The following ASAP1 variants were observed in gnomAD, a reference collection of about 807,000 sequenced individuals.
The protein encoded by ASAP1 is ArfGAP with SH3 domain, ankyrin repeat and PH domain 1, also known as arf-GAP with SH3 domain, ANK repeat and PH domain-containing protein 1.
A neutral mutation model predicts 145.2 loss-of-function variants in ASAP1; 43 were observed. The observed-to-expected ratio is 0.30, with a 90% CI of 0.23 to 0.38. ASAP1 has a LOEUF of 0.38. Among genes scored for constraint, ASAP1 ranks in the 10% least tolerant of loss-of-function variants. The pLI, the probability that ASAP1 is intolerant of heterozygous loss-of-function variation, is 1.00. For synonymous variants in ASAP1, 546 were observed against 515.5 expected, an observed-to-expected ratio of 1.06 and a Z score of -0.80; for missense variants, 1,018 against 1,355.3, an observed-to-expected ratio of 0.75 and a Z score of 3.91.
At chr8:130,251,005 C>A (rs1304838047) in intron 3 of ASAP1, among the ~76,000 whole-genome samples, 2 of 152,146 alleles carry the variant, frequency 1.3e-5, no homozygotes, top group African/African-American at 4.8e-5. Context: ...TCCAACAATT[C>A]CCAACAAAGA....
At position 130,219,127 on chromosome 8, in the gene ASAP1, C is replaced by A. The variant is rs530234833; in HGVS notation, c.260-4426G>T. ...GTCAGCTACTGTTACCGCTATATAT[C>A]CATGACTACTTACAATACAGAGCGA... On this transcript the variant is annotated intron_variant, in intron 4 of 29. Coordinates refer to ENST00000518721, the MANE Select transcript of ASAP1 (RefSeq NM_018482.4). Among the ~76,000 whole-genome samples the A allele has an allele frequency of 2.0e-5, 3 of 150,778 alleles. No homozygotes were observed. In the South Asian group the frequency reaches 6.4e-4, roughly 32 times the overall value.
At chr8:130,256,502 G>C (rs1819524433) in intron 3 of ASAP1, among the ~76,000 whole-genome samples, 1 of 151,748 alleles carries the variant, frequency 6.6e-6, no homozygotes, top group South Asian at 2.1e-4. Context: ...TCTTGACCTT[G>C]GGGACTGTGA....
chr8:130,421,050 C>A (rs1829700409), intron 1 of ASAP1, among the ~76,000 whole-genome samples: 1 of 152,162 alleles, frequency 6.6e-6, no homozygotes, highest in Non-Finnish European at 1.5e-5. Context: ...CTGTTACCAG[C>A]TTGTTGGACC....
intron 7 of ASAP1, among the ~76,000 whole-genome samples, chr8:130,182,310 T>A (rs61329743): frequency 6.6e-6 from 1 of 152,096 alleles, no homozygotes; most frequent in Non-Finnish European, 1.5e-5. Context: ...AAAGAAAGAA[T>A]TGAAGACAAA....
rs1175970498 is a variant in ASAP1, at chr8:130,052,770, T to C, written c.*1961A>G. The C allele has an allele frequency of 6.6e-6, 1 of 151,640 alleles. No individual in the cohort carries two copies. Among genetic ancestry groups the C allele is most frequent in the Non-Finnish European group, 1.5e-5 (1 of 67,926 alleles). 9.4% of individuals were successfully genotyped at this position (151,640 alleles called of 1,614,324 possible). A position where few individuals can be genotyped will look rare whatever the true frequency, so the allele number is the denominator to read the frequency against. ...TTTTTTTGAAAAAAACCAGTTTATT[T>C]TGAGATCAGTGAAAAGAGTCTAGGC... On this transcript the variant is annotated 3_prime_UTR_variant, in exon 30 of 30. Transcript: ENST00000518721.
At chr8:130,387,548 A>G (rs1425944442) in intron 2 of ASAP1, among the ~76,000 whole-genome samples, 3 of 151,886 alleles carry the variant, frequency 2.0e-5, no homozygotes, top group Non-Finnish European at 4.4e-5. Context: ...AAGAAAAAAA[A>G]AAAAAAGCAC....
At chr8:130,115,866 A>T in intron 22 of ASAP1, 131 bp from the exon 23 acceptor site, 1 of 681,928 alleles carries the variant, frequency 1.5e-6, no homozygotes, top group Non-Finnish European at 2.6e-6. Context: ...TATAGGCAAC[A>T]CTCTGCTTAG....
intron 24 of ASAP1, among the ~76,000 whole-genome samples, chr8:130,107,515 AATGTATGT>A (rs71302393): frequency 0.083 from 8,477 of 101,580 alleles, 464 homozygotes; most frequent in African/African-American, 0.17. Context: ...TTTTTTAAAA[AATGTATGT>A]ATGTATGTAT....
At chr8:130,123,383 T>C (rs187701796) in intron 18 of ASAP1, among the ~76,000 whole-genome samples, 1 of 152,306 alleles carries the variant, frequency 6.6e-6, no homozygotes, top group Non-Finnish European at 1.5e-5. Flanking sequence ...GAATCTCCCA[T>C]TGTCTTTGAA....
At chr8:130,390,463 A>C (rs1209000408) in intron 2 of ASAP1, among the ~76,000 whole-genome samples, 1 of 152,222 alleles carries the variant, frequency 6.6e-6, no homozygotes, top group African/African-American at 2.4e-5. Context: ...GGAATCTTCA[A>C]CTGTATTTAA....
chr8:130,236,806 A>T, intron 4 of ASAP1, 116 bp downstream of exon 4: 2 of 704,394 alleles, frequency 2.8e-6, no homozygotes, highest in Non-Finnish European at 4.4e-6. Flanking sequence ...TCTTTTACCT[A>T]CTTACTTTTC....
At chr8:130,373,035 TACAC>T (rs1174337363) in intron 2 of ASAP1, among the ~76,000 whole-genome samples, 1 of 113,462 alleles carries the variant, frequency 8.8e-6, no homozygotes, top group Admixed American at 8.4e-5. Context: ...CACACACACA[TACAC>T]ACATACAGAC....
In ASAP1 at chr8:130,183,808, C is replaced by T. The variant is rs540533923; in HGVS notation, c.531-2928G>A. Among the ~76,000 whole-genome samples the T allele has an allele frequency of 2.6e-5, 4 of 152,044 alleles. No individual in the cohort carries two copies. In the East Asian group the frequency reaches 5.8e-4, roughly 22 times the overall value. ...GAAAACTACTGGAGGTAATGGGCCA[C>T]CAAAATATGGAACTATACTAGTCAA... On this transcript the variant is annotated intron_variant, in intron 7 of 29. Coordinates refer to ENST00000518721, the MANE Select transcript of ASAP1 (RefSeq NM_018482.4).
chr8:130,375,195 T>C (rs1454906645), intron 2 of ASAP1, among the ~76,000 whole-genome samples: 1 of 152,074 alleles, frequency 6.6e-6, no homozygotes, highest in Non-Finnish European at 1.5e-5. Context: ...TTATGGTTAT[T>C]GTCTTGTGCT....
At chr8:130,156,843 T>A (rs1179549919) in intron 12 of ASAP1, among the ~76,000 whole-genome samples, 1 of 152,212 alleles carries the variant, frequency 6.6e-6, no homozygotes, top group African/African-American at 2.4e-5. Context: ...TTGAACACTT[T>A]AGGGTTTGAA....
At chr8:130,256,739 T>A (rs28484664) in intron 3 of ASAP1, among the ~76,000 whole-genome samples, 5,538 of 94,474 alleles carry the variant, frequency 0.059, 437 homozygotes, top group East Asian at 0.086. Flanking sequence ...ATACACATTC[T>A]TATATATATA....
intron 3 of ASAP1, among the ~76,000 whole-genome samples, chr8:130,239,164 G>T (rs531056458): frequency 6.6e-6 from 1 of 152,018 alleles, no homozygotes; most frequent in Non-Finnish European, 1.5e-5. Context: ...TACCTGTCAT[G>T]CTGCATGTCA....
chr8:130,226,646 G>A (rs987653196), intron 4 of ASAP1, among the ~76,000 whole-genome samples: 2 of 152,136 alleles, frequency 1.3e-5, no homozygotes. Flanking sequence ...TGGAAACTCA[G>A]CATGCATATT....
intron 15 of ASAP1, among the ~76,000 whole-genome samples, chr8:130,133,785 A>G (rs1303260021): frequency 6.6e-6 from 1 of 151,976 alleles, no homozygotes; most frequent in Non-Finnish European, 1.5e-5. Context: ...TGTTCACCCC[A>G]GTGAAAGGCA....
Sources: allele counts gnomAD v4.1 joint callset (sites outside exome capture counted in the v4.1 genomes callset), GRCh38; gene constraint gnomAD v4.1.1; transcripts MANE v1.5; gene names NCBI Gene and HGNC (gene_info 2026-07-23, HGNC 2026-07-21).